The following CYLC1 variants were observed in gnomAD, a reference collection of about 807,000 sequenced individuals.
The protein encoded by CYLC1 is cylicin 1, also known as cylicin-1.
A neutral mutation model predicts 31.6 loss-of-function variants in CYLC1; 2 were observed. The ratio of observed to expected loss-of-function variants is 0.06; its 90% confidence interval spans 0.03 to 0.20. The LOEUF (loss-of-function observed/expected upper bound fraction) is 0.20. CYLC1 is among the 10% of genes least tolerant of loss of function. The probability of loss-of-function intolerance (pLI) is 1.00; values close to 1 mark genes in which losing one functional copy is unlikely to be tolerated. For synonymous variants in CYLC1, 185 were observed against 153.0 expected, an observed-to-expected ratio of 1.21 and a Z score of -1.54; for missense variants, 595 against 424.1, an observed-to-expected ratio of 1.40 and a Z score of -3.54.
In CYLC1 at chrX:83,886,615, G is replaced by A; in HGVS notation, c.*31G>A. On this transcript the variant is annotated 3_prime_UTR_variant, in exon 5 of 5. Coordinates refer to ENST00000329312, the MANE Select transcript of CYLC1 (RefSeq NM_021118.3). ...AACTGAGCACTTGGTTTCACAGAAT[G>A]GCCTTACCACAGTAAGCACCACCTA... 4.3e-6 allele frequency: 5 copies of A among 1,162,394 alleles called. No homozygotes were observed. The highest frequency in any genetic ancestry group is 4.7e-6 in the Non-Finnish European group (4 of 852,101).
chrX:83,877,958 A>T (rs1295741962), intron 4 of CYLC1, among the ~76,000 whole-genome samples: 2 of 77,818 alleles, frequency 2.6e-5, no homozygotes, highest in East Asian at 4.0e-4. Flanking sequence ...ATATAAATAT[A>T]AATATATATA....
intron 4 of CYLC1, among the ~76,000 whole-genome samples, chrX:83,878,734 A>G (rs1306068030): frequency 9.5e-6 from 1 of 104,906 alleles, no homozygotes; most frequent in Non-Finnish European, 1.9e-5. Flanking sequence ...GTAGTCACAA[A>G]AATGCACTTT....
chrX:83,885,406 A>G (rs929154920), intron 4 of CYLC1, among the ~76,000 whole-genome samples: 1 of 110,307 alleles, frequency 9.1e-6, no homozygotes, highest in Admixed American at 9.8e-5. Flanking sequence ...ATAAAAATAT[A>G]TTGACGATGA....
At chrX:83,863,710 A>G (rs759090594) in intron 1 of CYLC1, among the ~76,000 whole-genome samples, 6 of 111,591 alleles carry the variant, frequency 5.4e-5, no homozygotes, top group Non-Finnish European at 1.1e-4. Context: ...AGAAAATATA[A>G]TAGTCTGCAT....
intron 2 of CYLC1, 52 bp downstream of exon 2, chrX:83,869,957 T>C (rs1297095449): frequency 1.5e-6 from 1 of 683,628 alleles, no homozygotes; most frequent in Non-Finnish European, 2.0e-6. Context: ...AAAACAATTT[T>C]AGGAACTAAT....
At chrX:83,886,446 AT>A in intron 4 of CYLC1, 105 bp from the exon 5 acceptor site, 2 of 742,990 alleles carry the variant, frequency 2.7e-6, no homozygotes, top group Non-Finnish European at 4.0e-6. Context: ...CCTTTCAACT[AT>A]GACAGTCTGT....
Position 83,873,992 on chromosome X carries a change from T to G in CYLC1, c.1284T>G (p.Asp428Glu). The change falls in exon 4 of 5, where the codon GAT becomes GAG. Residue 428 changes from aspartate (D) to glutamate (E), a missense_variant. Physicochemically the swap from Asp to Glu is conservative, Grantham distance 45 (BLOSUM62 2). Transcript: ENST00000329312. ...AAGATGAAAAAAAGGATAAAAAAGATTCAAAGACAGATAATAAAAAGTCTG... is the reference window on the plus strand; with the variant it reads ...AAGATGAAAAAAAGGATAAAAAAGAGTCAAAGACAGATAATAAAAAGTCTG... ...SQKDEKKDKK[D>E]SKTDNKKSVK... 3.4e-6 allele frequency: 4 copies of G among 1,184,671 alleles called. No individual in the cohort carries two copies. Among genetic ancestry groups the G allele is most frequent in the Non-Finnish European group, 4.5e-6 (4 of 882,093 alleles).
At chrX:83,882,551 T>C (rs916671166) in intron 4 of CYLC1, among the ~76,000 whole-genome samples, 1 of 111,095 alleles carries the variant, frequency 9.0e-6, no homozygotes, top group Non-Finnish European at 1.9e-5. Context: ...TTAACTTCCC[T>C]GAGTTTCTAC....
chrX:83,877,386 T>C (rs752066798), intron 4 of CYLC1, among the ~76,000 whole-genome samples: 2 of 111,336 alleles, frequency 1.8e-5, no homozygotes, highest in Non-Finnish European at 3.8e-5. Context: ...AGTGCTGGGA[T>C]TGTAGGTGTA....
intron 1 of CYLC1, among the ~76,000 whole-genome samples, chrX:83,869,388 C>A (rs771838215): frequency 2.2e-3 from 241 of 110,089 alleles, no homozygotes; most frequent in African/African-American, 7.6e-3. Flanking sequence ...CTCTGATAGA[C>A]CCCAATGTGT....
At chrX:83,868,510 T>C (rs1438953288) in intron 1 of CYLC1, among the ~76,000 whole-genome samples, 1 of 110,881 alleles carries the variant, frequency 9.0e-6, no homozygotes, top group Non-Finnish European at 1.9e-5. Context: ...TGTTACCTCC[T>C]AGAAGTTTTA....
intron 1 of CYLC1, among the ~76,000 whole-genome samples, chrX:83,867,645 C>T (rs1334939557): frequency 1.8e-5 from 2 of 111,071 alleles, no homozygotes; most frequent in African/African-American, 3.3e-5. Context: ...ATTCTTCCTC[C>T]TTCAGAGTGC....
intron 1 of CYLC1, among the ~76,000 whole-genome samples, chrX:83,861,402 G>C (rs2031507296): frequency 9.0e-6 from 1 of 110,980 alleles, no homozygotes; most frequent in Non-Finnish European, 1.9e-5. Flanking sequence ...GTGCAGTCTT[G>C]TTTACAAAAT....
At chrX:83,877,044 T>A (rs189638234) in intron 4 of CYLC1, among the ~76,000 whole-genome samples, 122 of 111,189 alleles carry the variant, frequency 1.1e-3, no homozygotes, top group Non-Finnish European at 2.0e-3. Context: ...TAAATAATAT[T>A]TTTAACCCCA....
At chrX:83,867,216 C>A (rs1043997765) in intron 1 of CYLC1, among the ~76,000 whole-genome samples, 1 of 111,742 alleles carries the variant, frequency 8.9e-6, no homozygotes, top group African/African-American at 3.2e-5. Context: ...CTTTCTTCTA[C>A]AATGTTCCTC....
intron 1 of CYLC1, among the ~76,000 whole-genome samples, chrX:83,869,466 G>T (rs1485972989): frequency 9.1e-6 from 1 of 110,327 alleles, no homozygotes; most frequent in Non-Finnish European, 1.9e-5. Flanking sequence ...GATCATGGTG[G>T]TGTTTGGTTT....
intron 3 of CYLC1, among the ~76,000 whole-genome samples, chrX:83,872,378 G>A (rs1309716915): frequency 9.1e-6 from 1 of 109,858 alleles, no homozygotes; most frequent in Non-Finnish European, 1.9e-5. Flanking sequence ...GTGCAGTTGG[G>A]GTCACAGACT....
intron 4 of CYLC1, among the ~76,000 whole-genome samples, chrX:83,878,059 T>C (rs1427260456): frequency 1.6e-5 from 1 of 62,078 alleles, no homozygotes; most frequent in African/African-American, 6.6e-5. Context: ...TATATATTTG[T>C]ATATAAATAT....
At position 83,874,171 on chromosome X, in the gene CYLC1, C is replaced by A; in HGVS notation, c.1463C>A (p.Ser488Tyr). 1 of 1,202,976 alleles carries A rather than the reference C, an allele frequency of 8.3e-7. No individual in the cohort carries two copies. The highest frequency in any genetic ancestry group is 1.1e-6 in the Non-Finnish European group (1 of 891,602). Residue 488 changes from serine (S) to tyrosine (Y), a missense_variant, in exon 4 of 5, where the codon TCT becomes TAT. Ser to Tyr is a moderately radical substitution (Grantham distance 144). Coordinates refer to ENST00000329312, the MANE Select transcript of CYLC1 (RefSeq NM_021118.3). Reference protein sequence around the residue: ...KKNAESTEMESDLELKKDKKH... With the variant: ...KKNAESTEMEYDLELKKDKKH... ...AATGCAGAATCTACTGAAATGGAAT[C>A]TGATTTGGAGTTAAAGAAGGACAAG...
Sources: allele counts gnomAD v4.1 joint callset (sites outside exome capture counted in the v4.1 genomes callset), GRCh38; gene constraint gnomAD v4.1.1; transcripts MANE v1.5; gene names NCBI Gene and HGNC (gene_info 2026-07-23, HGNC 2026-07-21).